The following CDCP2 variants were observed in gnomAD, a reference collection of about 807,000 sequenced individuals.
CDCP2 encodes CUB domain containing protein 2.
CDCP2 carries 31 observed loss-of-function variants against 31.0 expected under a neutral mutation model. That is an observed-to-expected ratio of 1.00 (90% CI 0.75 to 1.35). The LOEUF is 1.35. CDCP2 is among the 40% of genes most tolerant of loss of function. The probability of loss-of-function intolerance (pLI) is 0.00; values close to 1 mark genes in which losing one functional copy is unlikely to be tolerated. For synonymous variants in CDCP2, 206 were observed against 207.9 expected (o/e 0.99, Z 0.08); for missense variants, 443 against 482.6 (o/e 0.92, Z 0.77).
At chr1:54,144,549 G>A (rs149489571) in exon 2 of CDCP2, 2 of 1,613,420 alleles carry the variant, frequency 1.2e-6, no homozygotes, top group East Asian at 2.2e-5. Flanking sequence ...CCAGGAGGAG[G>A]TGAAGGGCGG....
intron 4 of CDCP2, chr1:54,137,704 T>TGTGTGTGC (rs1659283968): frequency 6.6e-6 from 1 of 152,556 alleles, no homozygotes; most frequent in African/African-American, 2.4e-5. Flanking sequence ...TGTGTGTGTG[T>TGTGTGTGC]GCATGCGGGG....
At chr1:54,136,232 C>T (rs1272807052) in intron 5 of CDCP2, among the ~76,000 whole-genome samples, 2 of 152,062 alleles carry the variant, frequency 1.3e-5, no homozygotes, top group Non-Finnish European at 2.9e-5. Context: ...TCTTCAGGGT[C>T]CTTGGGGAGC....
At chr1:54,139,577 C>T (rs1659318557) in intron 4 of CDCP2, 176 bp downstream of exon 4, 2 of 1,613,694 alleles carry the variant, frequency 1.2e-6, no homozygotes, top group Non-Finnish European at 1.7e-6. Flanking sequence ...CCGTACCGTC[C>T]AGTCTTAGGG....
exon 2 of CDCP2, chr1:54,144,662 T>C (rs1263921581): frequency 6.2e-7 from 1 of 1,614,190 alleles, no homozygotes; most frequent in South Asian, 1.1e-5. Flanking sequence ...CGTGGTACTC[T>C]AGGTCAAAGG....
chr1:54,133,320 C>T (rs1452524742), intron 5 of CDCP2, 26 bp from the exon 6 acceptor site: 1 of 398,918 alleles, frequency 2.5e-6, no homozygotes, highest in African/African-American at 2.1e-5. Flanking sequence ...GTACTCATCA[C>T]ACCTGAAGGA....
Position 54,150,079 on chromosome 1 carries a change from G to A in CDCP2, c.79+2765C>T, listed in dbSNP as rs1003395460. Among the ~76,000 whole-genome samples, 12 of 152,180 alleles carry A rather than the reference G, an allele frequency of 7.9e-5. 1 individual carries two copies. Among genetic ancestry groups the A allele is most frequent in the Admixed American group, 7.9e-4 (12 of 15,272 alleles). On this transcript the variant is annotated intron_variant, in intron 1 of 5. Transcript: ENST00000530059. ...CCCTCCTCTTCCTTGACCCAGGGGT[G>A]GACGCCTGACTCTAGCTGGGGAGTC...
chr1:54,152,461 C>CA (rs11420931), intron 1 of CDCP2, among the ~76,000 whole-genome samples: 91,828 of 142,898 alleles, frequency 0.64, 29,703 homozygotes, highest in Non-Finnish European at 0.73. Context: ...AAGACTGTCT[C>CA]AAAAAAAAAA....
chr1:54,139,839 AC>A lies in CDCP2; in HGVS notation c.1030del (p.Val344Ter), dbSNP rs756153513. The A allele has an allele frequency of 6.1e-5, 99 of 1,614,090 alleles. No individual in the cohort carries two copies. The East Asian group carries it at 6.2e-4, about 10-fold the overall frequency. On this transcript the variant is annotated frameshift_variant, in exon 4 of 6. Coordinates refer to ENST00000530059, the Ensembl canonical transcript of CDCP2. LOFTEE classifies it high-confidence loss of function. ...CAGAAGCTGGTTGTGGCTTGAGGTCACGGGTGGTGGCAGGTGGTGTCCACAC... is the reference window on the plus strand; with the variant it reads ...CAGAAGCTGGTTGTGGCTTGAGGTCAGGGTGGTGGCAGGTGGTGTCCACAC...
At chr1:54,145,349 C>T (rs1659449232) in intron 1 of CDCP2, among the ~76,000 whole-genome samples, 2 of 152,110 alleles carry the variant, frequency 1.3e-5, no homozygotes, top group South Asian at 4.1e-4. Flanking sequence ...TCGCTTGCAC[C>T]CGGGAGGCGG....
In CDCP2 at chr1:54,133,231, C is replaced by T. The variant is rs574452123; in HGVS notation, c.1360G>A (p.Glu454Lys). ...CGGACCTCGTACTCATGGATGTCCT[C>T]CCGCCCCGCGGCTGAGAAGTCGATG... The change falls in exon 6 of 6, where the codon GAG (glutamate) becomes AAG (lysine). Residue 454 changes from glutamate to lysine, a missense_variant. Coordinates refer to ENST00000530059, the Ensembl canonical transcript of CDCP2. The T allele has an allele frequency of 2.3e-4, 92 of 399,144 alleles. No homozygotes were observed. The South Asian group carries it at 3.7e-3, about 16-fold the overall frequency. The allele number at this position is 399,144 out of a possible 1,614,324, so 24.7% of individuals were successfully genotyped here.
rs1553173747 is a variant in CDCP2, at chr1:54,139,650, G to GGC, written c.1117+102_1117+103insGC. 5 of 1,613,666 alleles carry GGC rather than the reference G, an allele frequency of 3.1e-6. No homozygotes were observed. In the East Asian group the frequency reaches 6.7e-5, roughly 22 times the overall value. Reference sequence around the variant, plus strand: ...GAGCTGGAGAAGACCATTCATGGGGGGGGCAGGACAAACTGGTGGGATGGA... The same window carrying GGC: ...GAGCTGGAGAAGACCATTCATGGGGGGCGGGCAGGACAAACTGGTGGGATGGA... On this transcript the variant is annotated intron_variant, in intron 4 of 5. Transcript: ENST00000530059.
chr1:54,149,160 G>T (rs1486176998), intron 1 of CDCP2, among the ~76,000 whole-genome samples: 1 of 151,622 alleles, frequency 6.6e-6, no homozygotes, highest in East Asian at 1.9e-4. Flanking sequence ...GAGCCCAGGA[G>T]TTCGAGGCTG....
rs1050799929 is a variant in CDCP2, at chr1:54,145,677, T to C, written c.80-864A>G. On this transcript the variant is annotated intron_variant, in intron 1 of 5. Coordinates refer to ENST00000530059, the Ensembl canonical transcript of CDCP2. ...ACGATGTTAAAAGTACATTTTTATA[T>C]GTGCTGATTTGCTTGTGTTTGACAA... 2.0e-5 allele frequency among the ~76,000 whole-genome samples: 3 copies of C among 152,310 alleles called. No homozygotes were observed. The South Asian group carries it at 6.2e-4, about 32-fold the overall frequency.
At chr1:54,140,055 T>C (rs772870871) in exon 4 of CDCP2, 4 of 1,613,610 alleles carry the variant, frequency 2.5e-6, no homozygotes, top group Non-Finnish European at 2.5e-6. Flanking sequence ...GCTGGGGTAC[T>C]GTGGGCTGGA....
chr1:54,140,213 C>T, intron 3 of CDCP2, 107 bp from the exon 4 acceptor site: 1 of 999,554 alleles, frequency 1.0e-6, no homozygotes, highest in Non-Finnish European at 1.5e-6. Context: ...CCAAAAACCA[C>T]CAGCAGGTTG....
rs190450923 is a variant in CDCP2, at chr1:54,140,280, G to A, written c.764-174C>T. ...ATCCCAACTATCTGAAAGTTGGGAT[G>A]CTTGATCCCAAAGCTTGTTTTAAAC... On this transcript the variant is annotated intron_variant, in intron 3 of 5. Coordinates refer to ENST00000530059, the Ensembl canonical transcript of CDCP2. 2.2e-4 allele frequency: 134 copies of A among 618,876 alleles called. No individual in the cohort carries two copies. In the East Asian group the frequency reaches 3.2e-3, roughly 15 times the overall value. 38.3% of individuals were successfully genotyped at this position (618,876 alleles called of 1,614,324 possible). A position where few individuals can be genotyped will look rare whatever the true frequency, so the allele number is the denominator to read the frequency against.
At chr1:54,138,322 G>A (rs1324275722) in intron 4 of CDCP2, 1 of 152,280 alleles carries the variant, frequency 6.6e-6, no homozygotes, top group East Asian at 1.9e-4. Context: ...ATAGCCAATG[G>A]AGCTGGGCTC....
intron 2 of CDCP2, chr1:54,142,611 G>A (rs1034307468): frequency 2.0e-5 from 3 of 152,246 alleles, no homozygotes; most frequent in Non-Finnish European, 4.4e-5. Context: ...CCAGCATCTC[G>A]CCCTATGGCA....
At chr1:54,145,049 C>T (rs1436474719) in intron 1 of CDCP2, among the ~76,000 whole-genome samples, 2 of 152,206 alleles carry the variant, frequency 1.3e-5, no homozygotes, top group South Asian at 4.1e-4. Flanking sequence ...GGGGTCACAG[C>T]AGAAACAAAA....
Sources: gnomAD v4.1 joint callset for allele counts (sites outside exome capture counted in the v4.1 genomes callset) on GRCh38, gnomAD v4.1.1 for gene constraint, MANE v1.5 for transcripts, NCBI Gene and HGNC (gene_info 2026-07-23, HGNC 2026-07-21) for gene names.